The following SUGCT variants were observed in gnomAD, a reference collection of about 807,000 sequenced individuals.
SUGCT encodes the protein succinyl-CoA:glutarate CoA-transferase.
In SUGCT, 41 loss-of-function variants were observed where a neutral mutation model predicts 55.0. The observed-to-expected ratio is 0.74, with a 90% CI of 0.58 to 0.97. The LOEUF is 0.97. SUGCT is among the 50% of genes least tolerant of loss of function. SUGCT has a pLI of 0.00. For synonymous variants in SUGCT, 187 were observed against 200.4 expected (o/e 0.93, Z 0.56); for missense variants, 568 against 547.8 (o/e 1.04, Z -0.37).
At chr7:40,158,026 G>T (rs1014105624) in intron 1 of SUGCT, among the ~76,000 whole-genome samples, 1 of 152,016 alleles carries the variant, frequency 6.6e-6, no homozygotes, top group Non-Finnish European at 1.5e-5. Flanking sequence ...GGCCAACATG[G>T]TGGAATCCCG....
intron 6 of SUGCT, among the ~76,000 whole-genome samples, chr7:40,201,055 A>G (rs1404820184): frequency 1.3e-5 from 2 of 152,200 alleles, no homozygotes; most frequent in Admixed American, 1.3e-4. Context: ...TATTCACCAC[A>G]TAACTATAGC....
intron 7 of SUGCT, among the ~76,000 whole-genome samples, chr7:40,263,196 A>G (rs556741933): frequency 6.6e-6 from 1 of 152,366 alleles, no homozygotes; most frequent in African/African-American, 2.4e-5. Context: ...TGTTGGGATT[A>G]CAGGCATGAG....
intron 13 of SUGCT, among the ~76,000 whole-genome samples, chr7:40,825,827 C>G (rs1369372511): frequency 6.6e-6 from 1 of 152,136 alleles, no homozygotes; most frequent in African/African-American, 2.4e-5. Context: ...AAAAAAGCCC[C>G]CATGGCATAG....
At chr7:40,751,703 C>G (rs533075973) in intron 13 of SUGCT, among the ~76,000 whole-genome samples, 34 of 152,258 alleles carry the variant, frequency 2.2e-4, no homozygotes, top group Admixed American at 3.9e-4. Context: ...AGTCTGGGCC[C>G]TGAAGAACCA....
At chr7:40,782,463 G>A (rs1789803591) in intron 13 of SUGCT, 1 of 152,104 alleles carries the variant, frequency 6.6e-6, no homozygotes, top group African/African-American at 2.4e-5. Flanking sequence ...TATGATATAA[G>A]GAAGTTAGGT....
At chr7:40,734,554 C>T (rs933310278) in intron 12 of SUGCT, among the ~76,000 whole-genome samples, 4 of 152,188 alleles carry the variant, frequency 2.6e-5, no homozygotes, top group Non-Finnish European at 5.9e-5. Flanking sequence ...CTCTCACACT[C>T]ACTCTGTCCT....
Position 40,179,203 on chromosome 7 carries a change from A to G in SUGCT, c.101-1744A>G, listed in dbSNP as rs11982149. On this transcript the variant is annotated intron_variant, in intron 1 of 13. Coordinates refer to ENST00000335693, the MANE Select transcript of SUGCT (RefSeq NM_001193313.2). ...CTGCTGTAAGCCATTGTATTAATCT[A>G]TTGCCATATAACAAACCACTCCAAA... Among the ~76,000 whole-genome samples the G allele has an allele frequency of 1.2e-3, 181 of 152,186 alleles. 2 individuals are homozygous for G. Among genetic ancestry groups the G allele is most frequent in the African/African-American group, 4.2e-3 (175 of 41,502 alleles).
At chr7:40,814,915 G>A (rs1791593885) in intron 13 of SUGCT, among the ~76,000 whole-genome samples, 1 of 151,784 alleles carries the variant, frequency 6.6e-6, no homozygotes, top group Non-Finnish European at 1.5e-5. Flanking sequence ...CCCTTCCTAG[G>A]TGATGTGACT....
intron 9 of SUGCT, among the ~76,000 whole-genome samples, chr7:40,359,893 T>A (rs1329763804): frequency 6.6e-6 from 1 of 152,242 alleles, no homozygotes; most frequent in African/African-American, 2.4e-5. Context: ...ATGACTGTTG[T>A]CTCTGCATAA....
At chr7:40,497,422 CT>C (rs538101164) in intron 12 of SUGCT, among the ~76,000 whole-genome samples, 120 of 152,218 alleles carry the variant, frequency 7.9e-4, no homozygotes, top group African/African-American at 2.6e-3. Context: ...AGGAATTCTG[CT>C]TGTGCTATTT....
At chr7:40,469,880 A>T (rs1445032708) in intron 11 of SUGCT, among the ~76,000 whole-genome samples, 1 of 152,180 alleles carries the variant, frequency 6.6e-6, no homozygotes, top group Non-Finnish European at 1.5e-5. Flanking sequence ...AACATTTAAT[A>T]CCCTCGTTTC....
At chr7:41,019,942 C>A in the SUGCT span, among the ~76,000 whole-genome samples, 1 of 152,200 alleles carries the variant, frequency 6.6e-6, no homozygotes, top group Admixed American at 6.5e-5. Context: ...AAATGTAATT[C>A]CTAGCTGGCT....
At chr7:40,481,226 C>T (rs6957636) in intron 11 of SUGCT, among the ~76,000 whole-genome samples, 45,716 of 151,792 alleles carry the variant, frequency 0.3, 9,380 homozygotes, top group African/African-American at 0.58. Flanking sequence ...TAGTCCCACC[C>T]GTTCGAGAGG....
intron 6 of SUGCT, chr7:40,217,417 G>T (rs1787733017): frequency 2.2e-6 from 1 of 446,464 alleles, no homozygotes; most frequent in Non-Finnish European, 4.5e-6. Context: ...TTCCCATGTT[G>T]CCCAGGATGG....
At chr7:40,149,627 A>G (rs1356122352) in intron 1 of SUGCT, among the ~76,000 whole-genome samples, 5 of 152,172 alleles carry the variant, frequency 3.3e-5, no homozygotes, top group Admixed American at 1.3e-4. Flanking sequence ...TATTAAAAAT[A>G]TAAAAATCGG....
rs538816107 is a variant in SUGCT, at chr7:40,337,238, G to A, written c.816+20383G>A. ...ATGTATATTCTGCTGATTTGGGATG[G>A]AGAGTTCTGTAGATGTCTATTACTT... On this transcript the variant is annotated intron_variant, in intron 9 of 13. Coordinates refer to ENST00000335693, the MANE Select transcript of SUGCT (RefSeq NM_001193313.2). Among the ~76,000 whole-genome samples the A allele has an allele frequency of 3.9e-5, 6 of 152,284 alleles. No homozygotes were observed. The South Asian group carries it at 1.0e-3, about 26-fold the overall frequency.
intron 13 of SUGCT, among the ~76,000 whole-genome samples, chr7:40,773,958 A>G (rs1789320842): frequency 6.6e-6 from 1 of 152,192 alleles, no homozygotes; most frequent in African/African-American, 2.4e-5. Context: ...TTGAATGGAC[A>G]GAGAAACAGG....
intron 1 of SUGCT, among the ~76,000 whole-genome samples, chr7:40,174,924 T>TCGCA (rs1441116177): frequency 6.6e-6 from 1 of 152,224 alleles, no homozygotes. Context: ...ATTGAATAGT[T>TCGCA]ATCTTTTAAA....
chr7:40,862,893 G>A (rs1794519992), downstream of SUGCT, among the ~76,000 whole-genome samples: 1 of 152,114 alleles, frequency 6.6e-6, no homozygotes, highest in South Asian at 2.1e-4. Context: ...CTTGGTGTGA[G>A]CGTGTGTTTG....
Sources: allele counts gnomAD v4.1 joint callset (sites outside exome capture counted in the v4.1 genomes callset), GRCh38; gene constraint gnomAD v4.1.1; transcripts MANE v1.5; gene names NCBI Gene and HGNC (gene_info 2026-07-23, HGNC 2026-07-21).